DSCAM: variants seen among roughly 807,000 people sequenced by gnomAD.
DSCAM encodes the protein DS cell adhesion molecule, also known as cell adhesion molecule DSCAM.
Under a neutral mutation model 217.7 loss-of-function variants are expected in DSCAM, and 47 were observed. That is an observed-to-expected ratio of 0.22 (90% CI 0.17 to 0.28). DSCAM has a LOEUF of 0.28. Among genes scored for constraint, DSCAM ranks in the 10% least tolerant of loss-of-function variants. DSCAM has a pLI of 1.00. For synonymous variants in DSCAM, 1,056 were observed against 1,015.3 expected (o/e 1.04, Z -0.76); for missense variants, 2,080 against 2,618.3 (o/e 0.79, Z 4.49).
chr21:40,238,494 G>A (rs2073107031), intron 11 of DSCAM, among the ~76,000 whole-genome samples: 1 of 152,324 alleles, frequency 6.6e-6, no homozygotes, highest in East Asian at 1.9e-4. Flanking sequence ...GGATAGAGGT[G>A]TTCACCGCTA....
chr21:40,607,995 A>AG (rs1474894870), intron 3 of DSCAM, among the ~76,000 whole-genome samples: 1 of 151,914 alleles, frequency 6.6e-6, no homozygotes, highest in Admixed American at 6.6e-5. Context: ...TGAGTGAGGA[A>AG]GGGGGGAGTT....
chr21:40,704,850 A>G (rs1601149058), intron 2 of DSCAM, among the ~76,000 whole-genome samples: 3 of 152,352 alleles, frequency 2.0e-5, no homozygotes, highest in Non-Finnish European at 4.4e-5. Context: ...TTCAACAAGG[A>G]TAAGTGAGGG....
chr21:40,677,629 G>A (rs1368739691), intron 3 of DSCAM, among the ~76,000 whole-genome samples: 2 of 152,040 alleles, frequency 1.3e-5, no homozygotes, highest in Non-Finnish European at 2.9e-5. Context: ...CTATTTCCCT[G>A]CCTCCCAAAA....
intron 3 of DSCAM, among the ~76,000 whole-genome samples, chr21:40,439,702 C>T (rs541446084): frequency 6.6e-6 from 1 of 152,220 alleles, no homozygotes; most frequent in South Asian, 2.1e-4. Context: ...GCTGGGGAGC[C>T]CTCACAGTTA....
At chr21:40,372,168 A>G (rs1744521644) in intron 3 of DSCAM, among the ~76,000 whole-genome samples, 1 of 152,182 alleles carries the variant, frequency 6.6e-6, no homozygotes, top group African/African-American at 2.4e-5. Flanking sequence ...ACAAGGAATC[A>G]TTTTAACTGC....
At chr21:40,311,706 C>A (rs775611587) in intron 9 of DSCAM, among the ~76,000 whole-genome samples, 6 of 151,962 alleles carry the variant, frequency 3.9e-5, no homozygotes, top group African/African-American at 4.8e-5. Context: ...TTTTAAAAAA[C>A]CATTTATTGA....
chr21:40,379,203 G>A (rs1021820675), intron 3 of DSCAM, among the ~76,000 whole-genome samples: 106 of 152,282 alleles, frequency 7.0e-4, no homozygotes, highest in African/African-American at 2.3e-3. Context: ...AAGGGGAGGA[G>A]AAATTATGTT....
chr21:40,714,941 TTGTC>T (rs2090825694), intron 1 of DSCAM, among the ~76,000 whole-genome samples: 11 of 152,242 alleles, frequency 7.2e-5, no homozygotes, highest in Non-Finnish European at 1.5e-5. Flanking sequence ...GAATGGATTA[TTGTC>T]ATTATCACAG....
chr21:40,620,988 G>A (rs969639779), intron 3 of DSCAM, among the ~76,000 whole-genome samples: 1 of 152,152 alleles, frequency 6.6e-6, no homozygotes, highest in Non-Finnish European at 1.5e-5. Context: ...TCAAAAGTTT[G>A]CATTTCTAGG....
In DSCAM at chr21:40,085,753, G is replaced by T; in HGVS notation, c.3981C>A (p.Pro1327=). ...VKWMKDSNGT[P]SLVTIDGRRS... ...TCCGCCCATCAATCGTTACTAGACT[G>T]GGTGTCCCGTTACTGCCTCACAGGA... The change falls in exon 23 of 33, where the codon CCC becomes CCA. Residue 1327 remains proline, a synonymous_variant. Transcript: ENST00000400454. The T allele has an allele frequency of 6.6e-7, 1 of 1,515,918 alleles. No individual in the cohort carries two copies. Among genetic ancestry groups the T allele is most frequent in the Non-Finnish European group, 9.0e-7 (1 of 1,115,892 alleles). The allele number at this position is 1,515,918 out of a possible 1,614,324, so 93.9% of individuals were successfully genotyped here. A position where few individuals can be genotyped will look rare whatever the true frequency, so the allele number is the denominator to read the frequency against.
intron 3 of DSCAM, among the ~76,000 whole-genome samples, chr21:40,417,989 T>G (rs747567100): frequency 1.3e-5 from 2 of 152,190 alleles, no homozygotes; most frequent in Non-Finnish European, 2.9e-5. Context: ...CTAGACCTAG[T>G]GCGTGGATAC....
chr21:40,402,969 A>AC (rs58917326), intron 3 of DSCAM, among the ~76,000 whole-genome samples: 34,567 of 149,718 alleles, frequency 0.23, 4,200 homozygotes, highest in African/African-American at 0.31. Flanking sequence ...GCAAGATTAT[A>AC]CCCCCCCACC....
chr21:40,202,225 C>G (rs1034767663), intron 11 of DSCAM, among the ~76,000 whole-genome samples: 1 of 152,204 alleles, frequency 6.6e-6, no homozygotes, highest in African/African-American at 2.4e-5. Context: ...CTCTTATATT[C>G]AGATGCATTT....
chr21:40,347,648 C>G, intron 6 of DSCAM, 22 bp downstream of exon 6: 5 of 1,612,450 alleles, frequency 3.1e-6, no homozygotes, highest in Non-Finnish European at 3.4e-6. Context: ...TTCAGCCATA[C>G]CCTGAAACGA....
chr21:40,448,937 T>C (rs1027975867), intron 3 of DSCAM, among the ~76,000 whole-genome samples: 1 of 152,208 alleles, frequency 6.6e-6, no homozygotes, highest in Admixed American at 6.5e-5. Context: ...GGAGTTGAAC[T>C]TGAGTCTCAC....
chr21:40,216,319 G>T (rs547125845), intron 11 of DSCAM, among the ~76,000 whole-genome samples: 1 of 151,136 alleles, frequency 6.6e-6, no homozygotes, highest in South Asian at 2.1e-4. Flanking sequence ...TCAATATGTT[G>T]CCCAGGCTGG....
chr21:40,525,009 C>CAAAAAAAAAAAAAAAAA lies in DSCAM; in HGVS notation c.509-155781_509-155765dup, dbSNP rs58427418. 1.4e-3 allele frequency among the ~76,000 whole-genome samples: 77 copies of CAAAAAAAAAAAAAAAAA among 56,070 alleles called. 1 individual carries two copies. The highest frequency in any genetic ancestry group is 2.7e-3 in the East Asian group (5 of 1,886). 36.8% of individuals were successfully genotyped at this position (56,070 alleles called of 152,430 possible). ...TGGGCAACAGAGTGAGACTCAGTCT[C>CAAAAAAAAAAAAAAAAA]AAAAAAAAAAAAAAAAAAAAAATCC... On this transcript the variant is annotated intron_variant, in intron 3 of 32. Transcript: ENST00000400454.
chr21:40,516,318 G>C (rs913341989), intron 3 of DSCAM, among the ~76,000 whole-genome samples: 1 of 152,164 alleles, frequency 6.6e-6, no homozygotes, highest in Non-Finnish European at 1.5e-5. Context: ...GGGTGAACAA[G>C]TAAGAATGTA....
intron 1 of DSCAM, among the ~76,000 whole-genome samples, chr21:40,749,387 A>G (rs1244662700): frequency 6.6e-6 from 1 of 152,166 alleles, no homozygotes; most frequent in African/African-American, 2.4e-5. Flanking sequence ...AAAAAAGCAA[A>G]TAATTAAATT....
Sources: gnomAD v4.1 joint callset for allele counts (sites outside exome capture counted in the v4.1 genomes callset) on GRCh38, gnomAD v4.1.1 for gene constraint, MANE v1.5 for transcripts, NCBI Gene and HGNC (gene_info 2026-07-23, HGNC 2026-07-21) for gene names.